The following PAM variants were observed in gnomAD, a reference collection of about 807,000 sequenced individuals.
The protein encoded by PAM is peptidyl-glycine alpha-amidating monooxygenase.
A neutral mutation model predicts 122.1 loss-of-function variants in PAM; 72 were observed. That is an observed-to-expected ratio of 0.59 (90% CI 0.49 to 0.72). PAM has a LOEUF of 0.72. PAM is among the 30% of genes least tolerant of loss of function. The probability of loss-of-function intolerance (pLI) is 0.00; values close to 1 mark genes in which losing one functional copy is unlikely to be tolerated. For missense variants in PAM, 1,106 were observed against 1,183.7 expected (o/e 0.93, Z 0.96); for synonymous variants, 389 against 404.4 (o/e 0.96, Z 0.46).
In PAM at chr5:102,793,046, A is replaced by G. The variant is rs1435844913; in HGVS notation, c.-374+37698A>G. Among the ~76,000 whole-genome samples, 5 of 152,196 alleles carry G rather than the reference A, an allele frequency of 3.3e-5. No individual in the cohort carries two copies. The East Asian group carries it at 9.6e-4, about 29-fold the overall frequency. On this transcript the variant is annotated intron_variant, in intron 1 of 25. Transcript: ENST00000438793. ...TGAATCTTGGGCCTCATAGGAGCACAACATTCTCCACTAAAATAATGTTTT... is the reference window on the plus strand; with the variant it reads ...TGAATCTTGGGCCTCATAGGAGCACGACATTCTCCACTAAAATAATGTTTT...
chr5:102,928,795 C>T (rs895480457), intron 7 of PAM, among the ~76,000 whole-genome samples: 2 of 152,014 alleles, frequency 1.3e-5, no homozygotes, highest in Admixed American at 6.5e-5. Flanking sequence ...TTTACCATTT[C>T]ATGTATGTTT....
At chr5:103,025,087 AT>A in intron 23 of PAM, 43 bp from the exon 24 acceptor site, 1 of 1,435,744 alleles carries the variant, frequency 7.0e-7, no homozygotes, top group Non-Finnish European at 9.8e-7. Flanking sequence ...GGGTTTTGAA[AT>A]CTTTGAGTCA....
intron 1 of PAM, among the ~76,000 whole-genome samples, chr5:102,842,205 AATAT>A (rs71226933): frequency 1.4e-5 from 2 of 143,014 alleles, no homozygotes. Context: ...ATACAACCTA[AATAT>A]ATATATATAT....
At chr5:103,005,362 A>G (rs916336590) in intron 18 of PAM, 136 bp downstream of exon 18, 2 of 646,942 alleles carry the variant, frequency 3.1e-6, no homozygotes, top group Non-Finnish European at 2.8e-6. Context: ...AAAATAGAGC[A>G]GCCATGTCTT....
intron 5 of PAM, among the ~76,000 whole-genome samples, chr5:102,919,267 T>G (rs1471385517): frequency 2.0e-5 from 3 of 152,098 alleles, no homozygotes; most frequent in Non-Finnish European, 4.4e-5. Context: ...ATTATATATA[T>G]ATATATGCCT....
intron 1 of PAM, among the ~76,000 whole-genome samples, chr5:102,796,728 A>C (rs1763473341): frequency 6.6e-6 from 1 of 152,144 alleles, no homozygotes; most frequent in South Asian, 2.1e-4. Flanking sequence ...GGAAGCTATA[A>C]ATTTCCCTTT....
At chr5:102,844,114 G>C (rs1779356251) in intron 1 of PAM, among the ~76,000 whole-genome samples, 1 of 152,130 alleles carries the variant, frequency 6.6e-6, no homozygotes, top group South Asian at 2.1e-4. Flanking sequence ...ATGTAAGGAG[G>C]CTCAGCAGTA....
intron 12 of PAM, among the ~76,000 whole-genome samples, chr5:102,956,271 A>G (rs1435888313): frequency 6.6e-6 from 1 of 152,140 alleles, no homozygotes; most frequent in Non-Finnish European, 1.5e-5. Context: ...TAATTGAATT[A>G]GTGTATTGTG....
chr5:102,795,189 C>CAAAAAAAAAAAAAAAAAAAAAAAAA (rs33988105), intron 1 of PAM, among the ~76,000 whole-genome samples: 4 of 59,658 alleles, frequency 6.7e-5, no homozygotes, highest in East Asian at 6.6e-4. Flanking sequence ...GACAATGTCT[C>CAAAAAAAAAAAAAAAAAAAAAAAAA]AAAAAAAAAA....
chr5:103,017,541 G>A, intron 22 of PAM, 108 bp downstream of exon 22: 2 of 735,102 alleles, frequency 2.7e-6, no homozygotes, highest in Non-Finnish European at 4.8e-6. Context: ...GATGAGAGTA[G>A]GAATCAAAGT....
intron 1 of PAM, among the ~76,000 whole-genome samples, chr5:102,817,199 T>C (rs1266641068): frequency 2.0e-5 from 3 of 152,188 alleles, no homozygotes; most frequent in Admixed American, 1.3e-4. Flanking sequence ...TACTTAGTTG[T>C]ACCACAATTT....
intron 7 of PAM, among the ~76,000 whole-genome samples, chr5:102,944,811 T>A (rs950568110): frequency 6.6e-6 from 1 of 152,162 alleles, no homozygotes; most frequent in Admixed American, 6.5e-5. Context: ...TTATTCTGTA[T>A]CTAGCTAGTT....
intron 1 of PAM, among the ~76,000 whole-genome samples, chr5:102,803,209 A>AAGGAAG (rs1561487405): frequency 2.6e-4 from 8 of 31,148 alleles, no homozygotes; most frequent in African/African-American, 3.6e-4. Context: ...AAGGAAGGAA[A>AAGGAAG]GAAGGAAGGA....
At chr5:102,999,499 C>A (rs749237497) in intron 16 of PAM, among the ~76,000 whole-genome samples, 3 of 152,224 alleles carry the variant, frequency 2.0e-5, no homozygotes, top group Non-Finnish European at 4.4e-5. Context: ...CTCCACTAGG[C>A]AGTGCACCAG....
At chr5:102,883,076 T>C (rs7715521) in intron 3 of PAM, among the ~76,000 whole-genome samples, 7,097 of 152,084 alleles carry the variant, frequency 0.047, 346 homozygotes, top group East Asian at 0.18. Context: ...CATTGGTCTA[T>C]GTGCTTGTGT....
At chr5:102,826,960 T>C (rs1444786673) in intron 1 of PAM, among the ~76,000 whole-genome samples, 1 of 152,224 alleles carries the variant, frequency 6.6e-6, no homozygotes, top group Non-Finnish European at 1.5e-5. Context: ...TTTTTCCTTG[T>C]AGTACCCTTA....
intron 1 of PAM, among the ~76,000 whole-genome samples, chr5:102,786,649 TA>T (rs1760627170): frequency 6.6e-6 from 1 of 152,124 alleles, no homozygotes; most frequent in Non-Finnish European, 1.5e-5. Context: ...AAATAGCAAC[TA>T]AAAATTACTT....
chr5:102,962,701 C>T (rs181383046), intron 14 of PAM, among the ~76,000 whole-genome samples: 42 of 151,714 alleles, frequency 2.8e-4, no homozygotes, highest in East Asian at 2.5e-3. Flanking sequence ...GTTAGTGAAG[C>T]GGTATTAAAG....
intron 3 of PAM, among the ~76,000 whole-genome samples, chr5:102,869,061 C>T (rs1786508784): frequency 6.6e-6 from 1 of 152,166 alleles, no homozygotes; most frequent in African/African-American, 2.4e-5. Context: ...TGCATATTTG[C>T]TGGTTGCCTT....
Sources: gnomAD v4.1 joint callset for allele counts (sites outside exome capture counted in the v4.1 genomes callset) on GRCh38, gnomAD v4.1.1 for gene constraint, MANE v1.5 for transcripts, NCBI Gene and HGNC (gene_info 2026-07-23, HGNC 2026-07-21) for gene names.